Variants in PCDHGB1 observed in about 807,000 individuals in gnomAD.
PCDHGB1 encodes the protein protocadherin gamma-B1.
PCDHGB1 carries 34 observed loss-of-function variants against 56.6 expected under a neutral mutation model. The observed-to-expected ratio is 0.60, with a 90% CI of 0.46 to 0.80. The LOEUF is 0.80. PCDHGB1 is among the 30% of genes least tolerant of loss of function. PCDHGB1 has a pLI of 0.00. For missense variants in PCDHGB1, 1,278 were observed against 1,204.6 expected (o/e 1.06, Z -0.90); for synonymous variants, 561 against 505.9 (o/e 1.11, Z -1.46).
Position 141,398,413 on chromosome 5 carries a change from T to C in PCDHGB1, c.2409+45744T>C, listed in dbSNP as rs774602022. On this transcript the variant is annotated intron_variant, in intron 1 of 3. Transcript: ENST00000523390. ...CAGCAGGCTAGACAGGGAGGAGATA[T>C]GCGGGAAGAAGCCAGCTTGTGCTCT... 7.0e-5 allele frequency: 104 copies of C among 1,490,692 alleles called. 1 individual carries two copies. Among genetic ancestry groups the C allele is most frequent in the Middle Eastern group, 6.1e-4 (3 of 4,950 alleles). The allele number at this position is 1,490,692 out of a possible 1,614,324, so 92.3% of individuals were successfully genotyped here.
chr5:141,362,714 C>G, intron 1 of PCDHGB1: 1 of 916,370 alleles, frequency 1.1e-6, no homozygotes, highest in South Asian at 1.8e-5. Context: ...AGTGTTTTCT[C>G]TCTGAAGTGT....
chr5:141,457,054 T>C (rs1410535170), intron 1 of PCDHGB1, among the ~76,000 whole-genome samples: 1 of 152,242 alleles, frequency 6.6e-6, no homozygotes, highest in Non-Finnish European at 1.5e-5. Context: ...ACTTTCATGC[T>C]TCCTTTTTGC....
At chr5:141,423,084 G>C (rs1427825232) in intron 1 of PCDHGB1, 2 of 1,613,942 alleles carry the variant, frequency 1.2e-6, no homozygotes, top group Non-Finnish European at 1.7e-6. Flanking sequence ...GACTCTTCGC[G>C]GTGGGGGAGC....
chr5:141,481,913 CAAAAAA>C (rs34114744), intron 1 of PCDHGB1, among the ~76,000 whole-genome samples: 1 of 90,850 alleles, frequency 1.1e-5, no homozygotes. Flanking sequence ...AACTCCATCT[CAAAAAA>C]AAAAAAAAAA....
At position 141,409,103 on chromosome 5, in the gene PCDHGB1, A is replaced by G. The variant is rs750657192; in HGVS notation, c.2409+56434A>G. The G allele has an allele frequency of 6.8e-6, 11 of 1,613,926 alleles. No individual in the cohort carries two copies. Among genetic ancestry groups the G allele is most frequent in the Non-Finnish European group, 9.3e-6 (11 of 1,179,900 alleles). On this transcript the variant is annotated intron_variant, in intron 1 of 3. Coordinates refer to ENST00000523390, the MANE Select transcript of PCDHGB1 (RefSeq NM_018922.3). ...CTCATTGGATGAGAAAACAGGTATG[A>G]TTAAGAATAACCAGTCATTTGATTT...
In PCDHGB1 at chr5:141,350,435, T is replaced by G; in HGVS notation, c.175T>G (p.Leu59Val). ...AKDLGLSVRELPTRKLRVSAE... is the reference protein window; with the variant it reads ...AKDLGLSVREVPTRKLRVSAE... ...GGATCTGGGGCTCAGTGTCCGGGAG[T>G]TGCCAACTCGAAAACTGCGGGTTAG... The change falls in exon 1 of 4, where the codon TTG (leucine) becomes GTG (valine). Residue 59 changes from leucine to valine, a missense_variant. Transcript: ENST00000523390. 6.2e-7 allele frequency: 1 copy of G among 1,609,644 alleles called. No homozygotes were observed. The highest frequency in any genetic ancestry group is 1.7e-5 in the Admixed American group (1 of 59,926).
intron 1 of PCDHGB1, chr5:141,396,354 C>T (rs1285916157): frequency 6.6e-6 from 1 of 152,456 alleles, no homozygotes; most frequent in East Asian, 1.9e-4. Context: ...TGCGGTGGCT[C>T]ACGCCTGTAA....
intron 1 of PCDHGB1, chr5:141,427,607 T>C (rs1157037825): frequency 1.5e-6 from 1 of 688,594 alleles, no homozygotes; most frequent in Non-Finnish European, 2.7e-6. Context: ...TACGCATTGG[T>C]GAAGTCAACG....
chr5:141,500,207 T>G (rs932015076), intron 2 of PCDHGB1, among the ~76,000 whole-genome samples: 2 of 150,136 alleles, frequency 1.3e-5, no homozygotes, highest in African/African-American at 4.9e-5. Context: ...TTTATTTATT[T>G]ATTTATTTAT....
At chr5:141,413,724 C>T (rs751084568) in intron 1 of PCDHGB1, 2 of 1,613,426 alleles carry the variant, frequency 1.2e-6, no homozygotes, top group East Asian at 2.2e-5. Context: ...AGCACTTCTC[C>T]CTAAGAGTTC....
chr5:141,504,848 C>G (rs181277525), intron 2 of PCDHGB1, among the ~76,000 whole-genome samples: 1 of 152,236 alleles, frequency 6.6e-6, no homozygotes, highest in Non-Finnish European at 1.5e-5. Context: ...CTGGAACATT[C>G]TCTTCCATTT....
At position 141,431,433 on chromosome 5, in the gene PCDHGB1, C is replaced by T; in HGVS notation, c.2410-63374C>T. ...GGGGGCGACCCGGTGCGCACAGGCA[C>T]CGCGCGCATCCGCGTGATGGTTCTG... On this transcript the variant is annotated intron_variant, in intron 1 of 3. Transcript: ENST00000523390. This position sits in a 1 kb window ranked among gnomAD's most constrained non-coding sequence, Gnocchi z 4.8. 1.9e-6 allele frequency: 3 copies of T among 1,613,716 alleles called. No homozygotes were observed. The highest frequency in any genetic ancestry group is 2.5e-6 in the Non-Finnish European group (3 of 1,180,028).
intron 1 of PCDHGB1, chr5:141,372,532 T>A: frequency 6.2e-7 from 1 of 1,614,022 alleles, no homozygotes; most frequent in East Asian, 2.2e-5. Context: ...GCAATCTCCC[T>A]GCGCCTGCGA....
chr5:141,426,275 G>A (rs531044481), intron 1 of PCDHGB1: 2 of 164,168 alleles, frequency 1.2e-5, no homozygotes, highest in East Asian at 1.6e-4. Context: ...CTGCAGCAAC[G>A]CATGGGAAGG....
At position 141,467,151 on chromosome 5, in the gene PCDHGB1, C is replaced by T. The variant is rs527879624; in HGVS notation, c.2410-27656C>T. ...CACTGCAACCTCTGCCTCCCAGGTT[C>T]AAGTGATTCTCATCTCTCAGCCTCC... is the stretch of plus-strand genomic sequence containing the variant. On this transcript the variant is annotated intron_variant, in intron 1 of 3. Transcript: ENST00000523390. Among the ~76,000 whole-genome samples the T allele has an allele frequency of 4.0e-5, 6 of 151,660 alleles. No homozygotes were observed. In the East Asian group the frequency reaches 7.8e-4, roughly 20 times the overall value.
chr5:141,402,895 A>G, intron 1 of PCDHGB1: 1 of 1,505,744 alleles, frequency 6.6e-7, no homozygotes, highest in South Asian at 1.4e-5. Context: ...GGAAGAAAGA[A>G]CCTGATGAAG....
intron 1 of PCDHGB1, chr5:141,404,696 G>T: frequency 6.2e-7 from 1 of 1,614,104 alleles, no homozygotes; most frequent in South Asian, 1.1e-5. Flanking sequence ...ACCCCGCTCT[G>T]CAGAGCCTGG....
At chr5:141,366,692 A>C (rs777934534) in intron 1 of PCDHGB1, 1 of 1,614,256 alleles carries the variant, frequency 6.2e-7, no homozygotes, top group Non-Finnish European at 8.5e-7. Flanking sequence ...CTGTGAGAAA[A>C]GCGAGCCTCT....
At position 141,418,416 on chromosome 5, in the gene PCDHGB1, C is replaced by A. The variant is rs377542164; in HGVS notation, c.2409+65747C>A. On this transcript the variant is annotated intron_variant, in intron 1 of 3. Transcript: ENST00000523390. ...TTCTCATTGGTGGAGAAAGACAATC[C>A]TGATGGTGGCAAATATCCAGAATTA... The A allele has an allele frequency of 3.7e-6, 6 of 1,613,866 alleles. No individual in the cohort carries two copies. The African/African-American group carries it at 8.0e-5, about 22-fold the overall frequency.
Sources: gnomAD v4.1 joint callset for allele counts (sites outside exome capture counted in the v4.1 genomes callset) on GRCh38, gnomAD v4.1.1 for gene constraint, Gnocchi (gnomAD v3.1) non-coding constraint, MANE v1.5 for transcripts, NCBI Gene and HGNC (gene_info 2026-07-23, HGNC 2026-07-21) for gene names.